MYO18B: variants seen among roughly 807,000 people sequenced by gnomAD.
The protein encoded by MYO18B is unconventional myosin-XVIIIb.
In MYO18B, 204 loss-of-function variants were observed where a neutral mutation model predicts 273.0. That is an observed-to-expected ratio of 0.75 (90% CI 0.67 to 0.84). The LOEUF (loss-of-function observed/expected upper bound fraction) is 0.84, where lower values mean the gene tolerates loss of function less well. Among genes scored for constraint, MYO18B ranks in the 40% least tolerant of loss-of-function variants. MYO18B has a pLI of 0.00. For synonymous variants in MYO18B, 1,330 were observed against 1,305.7 expected, an observed-to-expected ratio of 1.02 and a Z score of -0.40; for missense variants, 3,212 against 3,287.6, an observed-to-expected ratio of 0.98 and a Z score of 0.56.
Position 25,911,056 on chromosome 22 carries a change from G to T in MYO18B, c.5364+6G>T. On this transcript the variant is annotated splice_donor_region_variant and intron_variant, in intron 33 of 43. Coordinates refer to ENST00000335473, the MANE Select transcript of MYO18B (RefSeq NM_032608.7). ...TCGGAACCCTCTGTGACCAGGTAAGGGGGAGACATTGGCAGACATTCAGAG... is the reference window on the plus strand; with the variant it reads ...TCGGAACCCTCTGTGACCAGGTAAGTGGGAGACATTGGCAGACATTCAGAG... 6.3e-7 allele frequency: 1 copy of T among 1,592,538 alleles called. No homozygotes were observed. The highest frequency in any genetic ancestry group is 1.1e-5 in the South Asian group (1 of 87,372).
chr22:25,846,808 G>A (rs543927133), intron 19 of MYO18B, among the ~76,000 whole-genome samples: 39 of 152,314 alleles, frequency 2.6e-4, no homozygotes, highest in African/African-American at 7.2e-4. Flanking sequence ...GTGGCCGGGC[G>A]CAGAGGCTCA....
At chr22:26,060,818 G>A in the MYO18B span, among the ~76,000 whole-genome samples, 1 of 118,576 alleles carries the variant, frequency 8.4e-6, no homozygotes, top group Non-Finnish European at 1.6e-5. Flanking sequence ...ATAAACACAT[G>A]CATACATATA....
intron 9 of MYO18B, among the ~76,000 whole-genome samples, chr22:25,780,752 G>A (rs1400021122): frequency 2.0e-5 from 3 of 152,108 alleles, no homozygotes; most frequent in Admixed American, 6.5e-5. Context: ...AAGCCAGCCC[G>A]TCTGTGCTTC....
chr22:25,742,805 T>TG (rs1193877732), intron 1 of MYO18B, among the ~76,000 whole-genome samples: 2 of 152,182 alleles, frequency 1.3e-5, no homozygotes, highest in Non-Finnish European at 2.9e-5. Context: ...GTATGAGTGT[T>TG]GGGGGAAGGG....
At chr22:25,752,500 T>G (rs918094903) in intron 1 of MYO18B, among the ~76,000 whole-genome samples, 18 of 152,136 alleles carry the variant, frequency 1.2e-4, no homozygotes, top group African/African-American at 3.9e-4. Context: ...AATTAATTTT[T>G]TAAGAGACAG....
chr22:25,889,123 T>A (rs1321487273), intron 25 of MYO18B, among the ~76,000 whole-genome samples: 1 of 152,142 alleles, frequency 6.6e-6, no homozygotes, highest in African/African-American at 2.4e-5. Flanking sequence ...CACCAAACAT[T>A]CTATTCTGGA....
In MYO18B at chr22:25,868,206, A is replaced by T. The variant is rs73879574; in HGVS notation, c.3886-114A>T. ...GGGCTCTGTTAGCCAAAGCTCACAGACATGTGGGGTCATCCTCCGTCCTGG... is the reference window on the plus strand; with the variant it reads ...GGGCTCTGTTAGCCAAAGCTCACAGTCATGTGGGGTCATCCTCCGTCCTGG... On this transcript the variant is annotated intron_variant, in intron 21 of 43. Transcript: ENST00000335473. 3.1e-3 allele frequency: 2,598 copies of T among 844,316 alleles called. 38 individuals carry two copies. The African/African-American group carries it at 0.037, about 12-fold the overall frequency. The allele number at this position is 844,316 out of a possible 1,614,324, so 52.3% of individuals were successfully genotyped here. A position where few individuals can be genotyped will look rare whatever the true frequency, so the allele number is the denominator to read the frequency against.
intron 32 of MYO18B, among the ~76,000 whole-genome samples, 175 bp from the exon 33 acceptor site, chr22:25,910,771 G>A (rs1254496991): frequency 6.6e-6 from 1 of 152,158 alleles, no homozygotes; most frequent in African/African-American, 2.4e-5. Context: ...CAGCTCCCAA[G>A]CTTTTAGGCT....
intron 22 of MYO18B, among the ~76,000 whole-genome samples, chr22:25,872,288 T>G (rs758789405): frequency 6.6e-6 from 1 of 152,234 alleles, no homozygotes; most frequent in Non-Finnish European, 1.5e-5. Context: ...AGACCCTTTG[T>G]TCCACCTGGA....
At chr22:26,021,188 C>T (rs1000887953) in intron 42 of MYO18B, among the ~76,000 whole-genome samples, 22 of 152,192 alleles carry the variant, frequency 1.4e-4, no homozygotes, top group African/African-American at 5.1e-4. Flanking sequence ...TGCTTTTAGC[C>T]TTGCAGGTTA....
intron 12 of MYO18B, among the ~76,000 whole-genome samples, chr22:25,815,672 T>A (rs1251564525): frequency 2.6e-5 from 4 of 152,200 alleles, no homozygotes; most frequent in Non-Finnish European, 5.9e-5. Context: ...CTCCAGCTTC[T>A]TGATCAAATT....
chr22:25,979,422 T>C lies in MYO18B; in HGVS notation c.6157-12941T>C, dbSNP rs563275274. ...TCATATTTGTGTTTGAGCAGAAAAA[T>C]GAAATGCCTTTTTTATTCAGAGAGC... On this transcript the variant is annotated intron_variant, in intron 39 of 43. Coordinates refer to ENST00000335473, the MANE Select transcript of MYO18B (RefSeq NM_032608.7). 3.2e-4 allele frequency among the ~76,000 whole-genome samples: 49 copies of C among 152,236 alleles called. No homozygotes were observed. The South Asian group carries it at 0.01, about 32-fold the overall frequency.
At chr22:25,927,067 T>G (rs2092431966) in intron 34 of MYO18B, among the ~76,000 whole-genome samples, 1 of 152,200 alleles carries the variant, frequency 6.6e-6, no homozygotes, top group Non-Finnish European at 1.5e-5. Context: ...GAGGAGGATG[T>G]ATATCGCCTC....
chr22:26,033,960 T>C (rs1936726976), downstream of MYO18B, among the ~76,000 whole-genome samples: 1 of 151,702 alleles, frequency 6.6e-6, no homozygotes, highest in Non-Finnish European at 1.5e-5. Context: ...TTTCTTCTCT[T>C]TTTCTTTTTT....
chr22:25,871,744 G>A (rs1482247225), intron 22 of MYO18B, among the ~76,000 whole-genome samples: 4 of 152,092 alleles, frequency 2.6e-5, no homozygotes, highest in Non-Finnish European at 5.9e-5. Flanking sequence ...GTGATTCCAC[G>A]TGCAGTCGGC....
chr22:25,854,594 A>G (rs942783151), intron 21 of MYO18B, among the ~76,000 whole-genome samples: 4 of 152,362 alleles, frequency 2.6e-5, no homozygotes, highest in East Asian at 3.9e-4. Flanking sequence ...TTGAGCAACA[A>G]TAAGCACCAT....
chr22:26,018,739 G>A (rs1200200837), intron 42 of MYO18B, among the ~76,000 whole-genome samples: 3 of 152,090 alleles, frequency 2.0e-5, no homozygotes, highest in Non-Finnish European at 2.9e-5. Flanking sequence ...GATTACTTGG[G>A]GTCAGGAGTT....
chr22:25,921,728 GTGTGTGTGTGTGTATGTGTA>G (rs1213531407), intron 34 of MYO18B, among the ~76,000 whole-genome samples: 1 of 79,708 alleles, frequency 1.3e-5, no homozygotes, highest in Middle Eastern at 8.9e-3. Flanking sequence ...GTGTGTGTGT[GTGTGTGTGTGTGTATGTGTA>G]TGTGTGTATG....
intron 14 of MYO18B, 110 bp from the exon 15 acceptor site, chr22:25,828,666 C>G: frequency 1.9e-6 from 2 of 1,043,576 alleles, no homozygotes; most frequent in Admixed American, 4.4e-5. Flanking sequence ...GGTCACACAG[C>G]CTGTAAGAGG....
Sources: gnomAD v4.1 joint callset for allele counts (sites outside exome capture counted in the v4.1 genomes callset) on GRCh38, gnomAD v4.1.1 for gene constraint, MANE v1.5 for transcripts, NCBI Gene and HGNC (gene_info 2026-07-23, HGNC 2026-07-21) for gene names.